Variants in ZNF93 observed in about 807,000 individuals in gnomAD.
The protein encoded by ZNF93 is zinc finger protein 93.
A neutral mutation model predicts 45.0 loss-of-function variants in ZNF93; 29 were observed. The ratio of observed to expected loss-of-function variants is 0.64; its 90% CI spans 0.48 to 0.88. The LOEUF (loss-of-function observed/expected upper bound fraction) is 0.88. Ranked by LOEUF, ZNF93 falls within the 40% of genes least tolerant of loss-of-function variation. The pLI is 0.00. For synonymous variants in ZNF93, 223 were observed against 244.6 expected (o/e 0.91, Z 0.82); for missense variants, 578 against 724.0 (o/e 0.80, Z 2.31).
intron 1 of ZNF93, among the ~76,000 whole-genome samples, chr19:19,905,357 TACTC>T (rs1382237694): frequency 1.3e-5 from 2 of 152,346 alleles, no homozygotes; most frequent in East Asian, 3.9e-4. Flanking sequence ...CTGATCCTCT[TACTC>T]CTCCCACCCT....
intron 3 of ZNF93, among the ~76,000 whole-genome samples, chr19:19,931,187 ATTTT>A (rs2063373285): frequency 6.7e-6 from 1 of 149,710 alleles, no homozygotes. Context: ...TTATTTATTT[ATTTT>A]ATTTGGTTTG....
At chr19:19,917,875 C>T (rs944104761) in intron 3 of ZNF93, among the ~76,000 whole-genome samples, 1 of 152,132 alleles carries the variant, frequency 6.6e-6, no homozygotes, top group African/African-American at 2.4e-5. Context: ...GATCTACAAA[C>T]AGCAACTTTT....
intron 1 of ZNF93, among the ~76,000 whole-genome samples, chr19:19,904,898 T>G (rs1599565126): frequency 6.6e-6 from 1 of 152,116 alleles, no homozygotes; most frequent in Admixed American, 6.5e-5. Context: ...CACTAGACAT[T>G]GACATGTCCA....
chr19:19,900,967 T>C lies in ZNF93; in HGVS notation c.-122T>C. ...CTTTGTCTCTCGGTGCAGCCGGAGC[T>C]CCAGGTCTCCTCTTCACTACTCTGT... On this transcript the variant is annotated 5_prime_UTR_variant, in exon 1 of 4. Coordinates refer to ENST00000343769, the MANE Select transcript of ZNF93 (RefSeq NM_031218.4). 4 of 1,486,630 alleles carry C rather than the reference T, an allele frequency of 2.7e-6. No individual in the cohort carries two copies. The highest frequency in any genetic ancestry group is 2.3e-5 in the East Asian group (1 of 43,094). 92.1% of individuals were successfully genotyped at this position (1,486,630 alleles called of 1,614,324 possible).
chr19:19,901,261 T>C (rs28590063), intron 1 of ZNF93, among the ~76,000 whole-genome samples, 170 bp downstream of exon 1: 66,244 of 151,940 alleles, frequency 0.44, 19,382 homozygotes, highest in African/African-American at 0.82. Context: ...CGGCTGCGCT[T>C]ATAGCGCAGC....
At chr19:19,928,696 T>C (rs1265211935) in intron 3 of ZNF93, among the ~76,000 whole-genome samples, 2 of 152,198 alleles carry the variant, frequency 1.3e-5, no homozygotes, top group Non-Finnish European at 2.9e-5. Flanking sequence ...TAAGGCTAAT[T>C]GTTTGCTTTT....
chr19:19,909,965 T>C (rs1357425945), intron 1 of ZNF93, among the ~76,000 whole-genome samples: 1 of 152,196 alleles, frequency 6.6e-6, no homozygotes, highest in African/African-American at 2.4e-5. Flanking sequence ...AGGGCAGCAA[T>C]TAATTAATCA....
At chr19:19,911,343 G>A (rs10423992) in intron 1 of ZNF93, among the ~76,000 whole-genome samples, 5,368 of 152,288 alleles carry the variant, frequency 0.035, 250 homozygotes, top group African/African-American at 0.11. Flanking sequence ...TTGTCAGGCT[G>A]ACAAGAGTGG....
chr19:19,924,100 G>A (rs965170944), intron 3 of ZNF93, among the ~76,000 whole-genome samples: 3 of 151,682 alleles, frequency 2.0e-5, no homozygotes, highest in Non-Finnish European at 4.4e-5. Context: ...TCTTTCTTTT[G>A]TTTTTTGGTG....
At chr19:19,921,686 A>T (rs1237663575) in intron 3 of ZNF93, among the ~76,000 whole-genome samples, 2 of 151,668 alleles carry the variant, frequency 1.3e-5, no homozygotes, top group Non-Finnish European at 2.9e-5. Flanking sequence ...TGATCCCTTT[A>T]CCATTATGTA....
intron 3 of ZNF93, among the ~76,000 whole-genome samples, chr19:19,920,011 G>A (rs997808449): frequency 6.6e-6 from 1 of 152,138 alleles, no homozygotes; most frequent in African/African-American, 2.4e-5. Context: ...GTAAGAGAGG[G>A]CATCCCTGTC....
rs1461750036 is a variant in ZNF93, at chr19:19,915,403, C to T, written c.127C>T (p.Leu43Phe). ...MLENYSNLVFLGIVVSKPDLI... is the reference protein window; with the variant it reads ...MLENYSNLVFFGIVVSKPDLI... The stretch of plus-strand genomic sequence containing the variant: ...AGAGAACTACAGTAACCTGGTCTTC[C>T]TTGGTGAGGATAACTTTAATACATA... The change falls in exon 2 of 4, where the codon CTT becomes TTT. Residue 43 changes from leucine (L) to phenylalanine (F), a missense_variant. Transcript: ENST00000343769. 6.2e-7 allele frequency: 1 copy of T among 1,612,724 alleles called. No homozygotes were observed. The highest frequency in any genetic ancestry group is 2.2e-5 in the East Asian group (1 of 44,846).
intron 3 of ZNF93, among the ~76,000 whole-genome samples, chr19:19,917,620 C>T (rs2063328325): frequency 6.6e-6 from 1 of 151,846 alleles, no homozygotes; most frequent in South Asian, 2.1e-4. Flanking sequence ...GACAGTTTCG[C>T]TCTTGTTGCC....
intron 3 of ZNF93, among the ~76,000 whole-genome samples, chr19:19,931,181 T>G (rs1419691036): frequency 6.7e-6 from 1 of 150,332 alleles, no homozygotes; most frequent in Non-Finnish European, 1.5e-5. Context: ...ATTTATTTAT[T>G]TATTTATTTT....
At position 19,934,609 on chromosome 19, in the gene ZNF93, CT is replaced by C; in HGVS notation, c.1656del (p.Thr553LeufsTer61). The C allele has an allele frequency of 6.2e-7, 1 of 1,613,882 alleles. No individual in the cohort carries two copies. The highest frequency in any genetic ancestry group is 8.5e-7 in the Non-Finnish European group (1 of 1,179,992). Reference sequence around the variant, plus strand: ...CAAAGCTTTTCACCTATCCACACACCTTACTACACATAAGATACTTCATACT... The same window carrying C: ...CAAAGCTTTTCACCTATCCACACACCTACTACACATAAGATACTTCATACT... ...CGKAFHLSTH[L>X]TTHKILHTGE... On this transcript the variant is annotated frameshift_variant, in exon 4 of 4. Transcript: ENST00000343769. LOFTEE classifies it high-confidence loss of function.
rs1477288911 is a variant in ZNF93, at chr19:19,916,584, T to G, written c.155T>G (p.Leu52Arg). ...FLGIVVSKPD[L>R]IAHLEQGKKP... ...GGTATTGTTGTCTCTAAGCCAGACC[T>G]GATCGCCCATCTGGAGCAAGGAAAA... is the stretch of plus-strand genomic sequence containing the variant. Residue 52 changes from leucine (L) to arginine (R), a missense_variant, in exon 3 of 4, where the codon CTG (leucine) becomes CGG (arginine). Coordinates refer to ENST00000343769, the MANE Select transcript of ZNF93 (RefSeq NM_031218.4). The G allele has an allele frequency of 6.2e-7, 1 of 1,612,134 alleles. No homozygotes were observed. The highest frequency in any genetic ancestry group is 8.5e-7 in the Non-Finnish European group (1 of 1,179,324).
At chr19:19,930,218 G>C (rs1451582290) in intron 3 of ZNF93, among the ~76,000 whole-genome samples, 1 of 152,084 alleles carries the variant, frequency 6.6e-6, no homozygotes, top group Non-Finnish European at 1.5e-5. Flanking sequence ...GAGAGGGAGA[G>C]AGAGAGACAG....
At chr19:19,921,776 T>G (rs2063343064) in intron 3 of ZNF93, among the ~76,000 whole-genome samples, 1 of 152,032 alleles carries the variant, frequency 6.6e-6, no homozygotes, top group Admixed American at 6.6e-5. Context: ...CCCTGCCTTT[T>G]TTTGTTTTCC....
chr19:19,924,703 G>T (rs748381685), intron 3 of ZNF93, among the ~76,000 whole-genome samples: 4 of 151,676 alleles, frequency 2.6e-5, no homozygotes, highest in Non-Finnish European at 5.9e-5. Flanking sequence ...AGATTCTCCT[G>T]CCTCAGCCTC....
Sources: allele counts gnomAD v4.1 joint callset (sites outside exome capture counted in the v4.1 genomes callset), GRCh38; gene constraint gnomAD v4.1.1; transcripts MANE v1.5; gene names NCBI Gene and HGNC (gene_info 2026-07-23, HGNC 2026-07-21).